The following WWC1 variants were observed in gnomAD, a reference collection of about 807,000 sequenced individuals.
The protein encoded by WWC1 is WW and C2 domain containing 1.
WWC1 carries 55 observed loss-of-function variants against 138.4 expected under a neutral mutation model. That is an observed-to-expected ratio of 0.40 (90% CI 0.32 to 0.50). WWC1 has a LOEUF of 0.50. Ranked by LOEUF, WWC1 falls within the 20% of genes least tolerant of loss-of-function variation. WWC1 has a pLI of 0.72. For synonymous variants in WWC1, 524 were observed against 564.9 expected (o/e 0.93, Z 1.03); for missense variants, 1,226 against 1,420.4 (o/e 0.86, Z 2.20).
At chr5:168,386,436 A>G (rs1354657801) in intron 3 of WWC1, among the ~76,000 whole-genome samples, 1 of 147,392 alleles carries the variant, frequency 6.8e-6, no homozygotes, top group African/African-American at 2.5e-5. Context: ...TCTGTTGCCC[A>G]GGCTGGAGTG....
rs796452523 is a variant in WWC1 at position 168,335,041 on chromosome 5, T to TA, written c.120-36373dup. 4.3e-3 allele frequency among the ~76,000 whole-genome samples: 641 copies of TA among 148,768 alleles called. 4 individuals carry two copies. The highest frequency in any genetic ancestry group is 0.014 in the African/African-American group (587 of 40,682). ...TTCTAGCCTTGATTTTTTTCCCCTCTAAAAAAAAAATAAGATAAAAGGTGC... is the reference window on the plus strand; with the variant it reads ...TTCTAGCCTTGATTTTTTTCCCCTCTAAAAAAAAAAATAAGATAAAAGGTGC... On this transcript the variant is annotated intron_variant, in intron 1 of 22. Transcript: ENST00000265293.
intron 3 of WWC1, among the ~76,000 whole-genome samples, chr5:168,394,983 C>A (rs1395792553): frequency 6.6e-6 from 1 of 152,204 alleles, no homozygotes; most frequent in African/African-American, 2.4e-5. Context: ...TTGTGCACTT[C>A]ACAGTGATAC....
chr5:168,417,202 T>G (rs898628029), intron 9 of WWC1, among the ~76,000 whole-genome samples: 11 of 152,132 alleles, frequency 7.2e-5, no homozygotes, highest in Admixed American at 4.6e-4. Context: ...TTTAAGAATT[T>G]GATGTACATC....
At chr5:168,300,678 G>A (rs989616797) in intron 1 of WWC1, among the ~76,000 whole-genome samples, 17 of 151,492 alleles carry the variant, frequency 1.1e-4, no homozygotes, top group African/African-American at 4.1e-4. Context: ...TGGCAGCGAG[G>A]ACACCAGGCC....
intron 1 of WWC1, among the ~76,000 whole-genome samples, chr5:168,336,477 C>T (rs1205823583): frequency 2.7e-5 from 4 of 145,686 alleles, no homozygotes. Context: ...GAGGCTGAGG[C>T]AGGAGAATCG....
chr5:168,443,636 G>T (rs1232242327), intron 16 of WWC1, among the ~76,000 whole-genome samples: 1 of 152,154 alleles, frequency 6.6e-6, no homozygotes, highest in African/African-American at 2.4e-5. Context: ...CACCTGTCAG[G>T]ATGGTTGTAA....
intron 1 of WWC1, among the ~76,000 whole-genome samples, chr5:168,301,598 A>T (rs1385320089): frequency 6.7e-6 from 1 of 150,332 alleles, no homozygotes. Flanking sequence ...AGATTGTGCT[A>T]TTGCACTCCA....
At chr5:168,300,174 C>T (rs2253028) in intron 1 of WWC1, among the ~76,000 whole-genome samples, 47,604 of 151,996 alleles carry the variant, frequency 0.31, 9,907 homozygotes, top group East Asian at 0.72. Flanking sequence ...GCCTCGAATC[C>T]GTTTCAGAGT....
chr5:168,339,925 T>TTCTCTCTCTCTCTC (rs1446245017), intron 1 of WWC1, among the ~76,000 whole-genome samples: 1 of 91,878 alleles, frequency 1.1e-5, no homozygotes, highest in African/African-American at 4.9e-5. Flanking sequence ...CTCTCTCTCT[T>TTCTCTCTCTCTCTC]TCTCTCTTTC....
intron 17 of WWC1, among the ~76,000 whole-genome samples, chr5:168,446,213 G>C (rs1056085073): frequency 8.0e-6 from 1 of 125,658 alleles, no homozygotes; most frequent in Non-Finnish European, 1.6e-5. Context: ...TGCTAAGCCT[G>C]AGCCTTCTCT....
chr5:168,382,151 G>A (rs928474308), intron 2 of WWC1, among the ~76,000 whole-genome samples: 1 of 152,258 alleles, frequency 6.6e-6, no homozygotes, highest in African/African-American at 2.4e-5. Context: ...CCATAGCGTG[G>A]AACACTGTAC....
intron 20 of WWC1, among the ~76,000 whole-genome samples, chr5:168,462,597 G>A (rs566122593): frequency 6.8e-4 from 104 of 152,306 alleles, no homozygotes; most frequent in African/African-American, 2.3e-3. Flanking sequence ...CTCCCCCTGC[G>A]TTTCCCACAG....
Position 168,447,098 on chromosome 5 carries a change from A to G in WWC1, c.2525+2513A>G, listed in dbSNP as rs73312918. On this transcript the variant is annotated intron_variant, in intron 17 of 22. Coordinates refer to ENST00000265293, the MANE Select transcript of WWC1 (RefSeq NM_015238.3). ...CCTGGGCTGAATATCACAGCTGTAA[A>G]CTTCCGTCTCCTCGTCTGTGAAATA... 2.2e-3 allele frequency among the ~76,000 whole-genome samples: 331 copies of G among 152,260 alleles called. 1 individual carries two copies. The highest frequency in any genetic ancestry group is 7.7e-3 in the African/African-American group (321 of 41,544).
At chr5:168,331,183 T>G (rs1363081778) in intron 1 of WWC1, among the ~76,000 whole-genome samples, 5 of 152,106 alleles carry the variant, frequency 3.3e-5, no homozygotes, top group Non-Finnish European at 7.4e-5. Flanking sequence ...CACTGACAAG[T>G]CTAAGGTAGA....
intron 3 of WWC1, among the ~76,000 whole-genome samples, chr5:168,386,652 C>G (rs553314046): frequency 3.3e-5 from 5 of 151,512 alleles, no homozygotes; most frequent in Non-Finnish European, 5.9e-5. Flanking sequence ...GCCTCAGCCT[C>G]CCAAAGTGCT....
At chr5:168,457,611 CT>C (rs1294693849) in intron 19 of WWC1, among the ~76,000 whole-genome samples, 1 of 152,228 alleles carries the variant, frequency 6.6e-6, no homozygotes, top group Non-Finnish European at 1.5e-5. Flanking sequence ...CATCATAAGG[CT>C]ATGGAACCAG....
chr5:168,302,518 C>T (rs188679766), intron 1 of WWC1, among the ~76,000 whole-genome samples: 66 of 152,102 alleles, frequency 4.3e-4, no homozygotes, highest in African/African-American at 1.5e-3. Context: ...AGTGGTGGTG[C>T]GGACCTAGAT....
At chr5:168,436,002 C>A (rs1040311835) in intron 15 of WWC1, among the ~76,000 whole-genome samples, 2 of 152,156 alleles carry the variant, frequency 1.3e-5, no homozygotes, top group African/African-American at 4.8e-5. Flanking sequence ...GCCACCACAC[C>A]TGGCTAATTT....
intron 15 of WWC1, among the ~76,000 whole-genome samples, chr5:168,438,990 C>T (rs1754505072): frequency 6.6e-6 from 1 of 152,084 alleles, no homozygotes; most frequent in African/African-American, 2.4e-5. Flanking sequence ...ACCATCTATC[C>T]TATATAGGTG....
Sources: allele counts gnomAD v4.1 joint callset (sites outside exome capture counted in the v4.1 genomes callset), GRCh38; gene constraint gnomAD v4.1.1; transcripts MANE v1.5; gene names NCBI Gene and HGNC (gene_info 2026-07-23, HGNC 2026-07-21).